GTF3C4: variants seen among roughly 807,000 people sequenced by gnomAD.
The protein encoded by GTF3C4 is general transcription factor 3C polypeptide 4.
GTF3C4 carries 28 observed loss-of-function variants against 67.5 expected under a neutral mutation model. The ratio of observed to expected loss-of-function variants is 0.41; its 90% CI spans 0.31 to 0.57. The LOEUF is 0.57. GTF3C4 is among the 20% of genes least tolerant of loss of function. The pLI is 0.21. For synonymous variants in GTF3C4, 409 were observed against 393.0 expected, an observed-to-expected ratio of 1.04 and a Z score of -0.48; for missense variants, 831 against 1,033.2, an observed-to-expected ratio of 0.80 and a Z score of 2.68.
At chr9:132,685,118 G>A (rs919087723) in intron 3 of GTF3C4, among the ~76,000 whole-genome samples, 5 of 150,844 alleles carry the variant, frequency 3.3e-5, no homozygotes, top group African/African-American at 4.9e-5. Context: ...GGGTTCAAGC[G>A]ATTCTCCCAC....
At chr9:132,671,194 C>G (rs182749088) in intron 1 of GTF3C4, among the ~76,000 whole-genome samples, 20 of 152,314 alleles carry the variant, frequency 1.3e-4, no homozygotes, top group Admixed American at 7.2e-4. Context: ...AGGTACACAC[C>G]CAGGGGGCTT....
In GTF3C4 at chr9:132,677,996, T is replaced by C; in HGVS notation, c.377T>C (p.Val126Ala). ...TTTCAGGTTGGCTCAAAAACAGAAG[T>C]TGCTGAGTGCAAGGAGAAATTCGCC... ...CLLKVGSKTEVAECKEKFAAS... is the reference protein window; with the variant it reads ...CLLKVGSKTEAAECKEKFAAS... The change falls in exon 2 of 5, where the codon GTT (valine) becomes GCT (alanine). Residue 126 changes from valine to alanine, a missense_variant. This residue lies in a region of GTF3C4 where 237 missense variants were observed against 212.7 expected (regional missense o/e 1.11). Transcript: ENST00000372146. 2 of 1,600,826 alleles carry C rather than the reference T, an allele frequency of 1.2e-6. No individual in the cohort carries two copies. Among genetic ancestry groups the C allele is most frequent in the Non-Finnish European group, 1.7e-6 (2 of 1,174,424 alleles).
chr9:132,675,864 AAG>A (rs1480222286), intron 1 of GTF3C4, among the ~76,000 whole-genome samples: 2 of 151,668 alleles, frequency 1.3e-5, no homozygotes, highest in African/African-American at 2.4e-5. Flanking sequence ...TTTAGCAGAA[AAG>A]AGAATAAGAA....
rs1835895471 is a variant in GTF3C4, at chr9:132,678,486, G to T, written c.867G>T (p.Gln289His). 1 of 1,614,056 alleles carries T rather than the reference G, an allele frequency of 6.2e-7. No homozygotes were observed. The highest frequency in any genetic ancestry group is 8.5e-7 in the Non-Finnish European group (1 of 1,180,028). The part of the protein sequence containing the change: ...LFENGNIAVW[Q>H]FQLPFVGKES... ...AAAACGGTAATATCGCCGTGTGGCA[G>T]TTTCAGCTGCCGTTTGTAGGAAAAG... Residue 289 changes from glutamine to histidine, a missense_variant, in exon 2 of 5, where the codon CAG (glutamine) becomes CAT (histidine). Gln to His is a conservative substitution (Grantham distance 24, BLOSUM62 0). This residue lies in a region of GTF3C4 where 390 missense variants were observed against 540.3 expected (regional missense o/e 0.72). Transcript: ENST00000372146. The surrounding 1 kb of genome is among the most constrained non-coding windows in gnomAD (Gnocchi z 6.5).
intron 3 of GTF3C4, among the ~76,000 whole-genome samples, chr9:132,684,293 A>G (rs1835992493): frequency 6.6e-6 from 1 of 152,154 alleles, no homozygotes; most frequent in Non-Finnish European, 1.5e-5. Context: ...CTGCCTGCTC[A>G]GTACCTCTAT....
chr9:132,675,636 C>T (rs553866210), intron 1 of GTF3C4, among the ~76,000 whole-genome samples: 11 of 152,128 alleles, frequency 7.2e-5, no homozygotes, highest in African/African-American at 2.2e-4. Flanking sequence ...GTTCCCTGGC[C>T]GAGGCATTTA....
Position 132,687,315 on chromosome 9 carries a change from C to A in GTF3C4, c.2392C>A (p.Pro798Thr). The A allele has an allele frequency of 6.4e-7, 1 of 1,559,574 alleles. No homozygotes were observed. The highest frequency in any genetic ancestry group is 8.8e-7 in the Non-Finnish European group (1 of 1,136,734). ...CLLHDSIARHPAPEDPDWIKR... is the reference protein window; with the variant it reads ...CLLHDSIARHTAPEDPDWIKR... ...GCTCCATGACAGCATTGCCCGGCAT[C>A]CAGCTCCAGAAGGTGAGTGCTTTCC... The change falls in exon 4 of 5, where the codon CCA becomes ACA. Residue 798 changes from proline to threonine, a missense_variant. This residue lies in a region of GTF3C4 where 129 missense variants were observed against 213.8 expected (regional missense o/e 0.60). Transcript: ENST00000372146.
intron 4 of GTF3C4, among the ~76,000 whole-genome samples, chr9:132,687,733 A>G (rs1294340344): frequency 6.6e-6 from 1 of 152,238 alleles, no homozygotes; most frequent in Non-Finnish European, 1.5e-5. Context: ...ACTTGGAGTC[A>G]TTCTTCCAGT....
chr9:132,675,386 A>G (rs10491904), intron 1 of GTF3C4, among the ~76,000 whole-genome samples: 45,547 of 152,034 alleles, frequency 0.3, 7,605 homozygotes, highest in East Asian at 0.44. Flanking sequence ...CCTACACCTC[A>G]TTTAATTGGC....
chr9:132,673,632 G>A (rs1590131958), intron 1 of GTF3C4, among the ~76,000 whole-genome samples: 1 of 152,294 alleles, frequency 6.6e-6, no homozygotes, highest in Non-Finnish European at 1.5e-5. Flanking sequence ...GCTCGGTGCC[G>A]TGCAGCATGC....
At chr9:132,670,385 C>A (rs1427314975), upstream of GTF3C4, 4 of 1,184,572 alleles carry the variant, frequency 3.4e-6, no homozygotes, top group Non-Finnish European at 4.5e-6. Context: ...CGGGGCTCCC[C>A]GCTCGCTGTC....
At chr9:132,681,410 C>A (rs1478181945) in intron 2 of GTF3C4, among the ~76,000 whole-genome samples, 2 of 152,174 alleles carry the variant, frequency 1.3e-5, no homozygotes, top group Non-Finnish European at 2.9e-5. Context: ...ACCACGCATT[C>A]CTGTCTTAAA....
intron 1 of GTF3C4, among the ~76,000 whole-genome samples, chr9:132,675,101 T>C (rs1835845024): frequency 1.3e-5 from 2 of 152,214 alleles, no homozygotes; most frequent in African/African-American, 4.8e-5. Flanking sequence ...GCGCTTAATA[T>C]ATGCTTTGAT....
intron 3 of GTF3C4, among the ~76,000 whole-genome samples, chr9:132,686,126 T>TAAG (rs56999145): frequency 0.18 from 28,097 of 151,918 alleles, 3,330 homozygotes; most frequent in East Asian, 0.4. Context: ...TTTTTACAGA[T>TAAG]GAGATTGGGG....
intron 1 of GTF3C4, among the ~76,000 whole-genome samples, chr9:132,675,333 G>A (rs538299425): frequency 3.3e-4 from 50 of 152,258 alleles, no homozygotes; most frequent in Middle Eastern, 3.4e-3. Flanking sequence ...CCTGTAGAAA[G>A]CACCGGGCTT....
At chr9:132,682,117 A>G (rs1218277454) in intron 2 of GTF3C4, among the ~76,000 whole-genome samples, 1 of 152,134 alleles carries the variant, frequency 6.6e-6, no homozygotes, top group East Asian at 1.9e-4. Context: ...GGAAAAAGAA[A>G]AAATAGAGGT....
At position 132,694,165 on chromosome 9, in the gene GTF3C4, C is replaced by G. The variant is rs550576184; in HGVS notation, c.*5220C>G. ...CATTTTGCTTGGAATACCCCCCAAT[C>G]CAGAAAAGTTGGTGACTTCTCTCCA... On this transcript the variant is annotated 3_prime_UTR_variant, in exon 5 of 5. Coordinates refer to ENST00000372146, the MANE Select transcript of GTF3C4 (RefSeq NM_012204.4). The G allele has an allele frequency of 3.3e-5, 5 of 152,190 alleles. No homozygotes were observed. The highest frequency in any genetic ancestry group is 1.2e-4 in the African/African-American group (5 of 41,546). The allele number at this position is 152,190 out of a possible 1,614,324, so 9.4% of individuals were successfully genotyped here.
intron 1 of GTF3C4, among the ~76,000 whole-genome samples, chr9:132,675,548 C>T (rs1335238456): frequency 2.0e-5 from 3 of 152,082 alleles, no homozygotes; most frequent in Non-Finnish European, 4.4e-5. Flanking sequence ...CTGCCTCCCT[C>T]ACCTCCAAAA....
intron 2 of GTF3C4, among the ~76,000 whole-genome samples, chr9:132,682,818 G>A (rs1042774656): frequency 1.3e-5 from 2 of 151,958 alleles, no homozygotes; most frequent in Non-Finnish European, 1.5e-5. Flanking sequence ...TTGGCCACCT[G>A]GTCTCGAACT....
Sources: gnomAD v4.1 joint callset for allele counts (sites outside exome capture counted in the v4.1 genomes callset) on GRCh38, gnomAD v4.1.1 for gene constraint, gnomAD v4.1.1 regional missense constraint, Gnocchi (gnomAD v3.1) non-coding constraint, MANE v1.5 for transcripts, NCBI Gene and HGNC (gene_info 2026-07-23, HGNC 2026-07-21) for gene names.